Variants in EPHA7 observed in about 807,000 individuals in gnomAD.
The protein encoded by EPHA7 is EPH receptor A7.
Under a neutral mutation model 112.6 loss-of-function variants are expected in EPHA7, and 25 were observed. That is an observed-to-expected ratio of 0.22 (90% confidence interval 0.16 to 0.31). The LOEUF is 0.31. EPHA7 is among the 10% of genes least tolerant of loss of function. The pLI, the probability that EPHA7 is intolerant of heterozygous loss-of-function variation, is 1.00. For synonymous variants in EPHA7, 437 were observed against 406.5 expected, an observed-to-expected ratio of 1.07 and a Z score of -0.90; for missense variants, 962 against 1,212.6, an observed-to-expected ratio of 0.79 and a Z score of 3.07.
At chr6:93,256,133 T>C in intron 12 of EPHA7, 96 bp from the exon 13 acceptor site, 1 of 1,066,902 alleles carries the variant, frequency 9.4e-7, no homozygotes. Flanking sequence ...AATTTGCTAT[T>C]GTATAATAGG....
intron 3 of EPHA7, chr6:93,409,639 A>T (rs1778878947): frequency 6.6e-6 from 1 of 151,966 alleles, no homozygotes; most frequent in Non-Finnish European, 1.5e-5. Flanking sequence ...TATATAAGTT[A>T]AAAAGAGACA....
intron 3 of EPHA7, among the ~76,000 whole-genome samples, chr6:93,380,367 A>G (rs1306848225): frequency 1.3e-5 from 2 of 152,130 alleles, no homozygotes; most frequent in Non-Finnish European, 2.9e-5. Context: ...GCGACAATAA[A>G]AGCATTCCAC....
chr6:93,324,729 C>T (rs1004287317), intron 5 of EPHA7, among the ~76,000 whole-genome samples: 1 of 151,376 alleles, frequency 6.6e-6, no homozygotes, highest in South Asian at 2.1e-4. Flanking sequence ...GCCTTCAACA[C>T]GTATACAGAG....
intron 5 of EPHA7, among the ~76,000 whole-genome samples, chr6:93,282,706 C>G (rs1296102253): frequency 6.6e-6 from 1 of 152,178 alleles, no homozygotes; most frequent in African/African-American, 2.4e-5. Context: ...GCGCGAGTTC[C>G]CGGTGGGCGT....
chr6:93,264,562 A>G, intron 8 of EPHA7, 32 bp downstream of exon 8: 1 of 1,362,698 alleles, frequency 7.3e-7, no homozygotes, highest in Non-Finnish European at 1.0e-6. Flanking sequence ...AATACATTTT[A>G]TGTTAGAGAT....
At chr6:93,382,706 T>C (rs965659882) in intron 3 of EPHA7, among the ~76,000 whole-genome samples, 1 of 151,952 alleles carries the variant, frequency 6.6e-6, no homozygotes, top group South Asian at 2.1e-4. Context: ...AGCGATACAA[T>C]GAGATCCTAC....
chr6:93,366,092 A>C (rs1454250363), intron 3 of EPHA7, among the ~76,000 whole-genome samples: 1 of 152,158 alleles, frequency 6.6e-6, no homozygotes, highest in East Asian at 1.9e-4. Flanking sequence ...TCTTTATTTC[A>C]TCAAATGATC....
At chr6:93,297,438 A>G (rs933984321) in intron 5 of EPHA7, among the ~76,000 whole-genome samples, 2 of 152,140 alleles carry the variant, frequency 1.3e-5, no homozygotes, top group Non-Finnish European at 2.9e-5. Context: ...TTTGGTCAAT[A>G]TAGTCATAAA....
intron 3 of EPHA7, among the ~76,000 whole-genome samples, chr6:93,388,753 TA>T (rs1324703146): frequency 1.3e-5 from 2 of 151,996 alleles, no homozygotes; most frequent in Non-Finnish European, 1.5e-5. Flanking sequence ...CAGGGGGGAA[TA>T]AAACATTTAG....
At chr6:93,404,894 T>C (rs1778619834) in intron 3 of EPHA7, among the ~76,000 whole-genome samples, 1 of 151,846 alleles carries the variant, frequency 6.6e-6, no homozygotes, top group Non-Finnish European at 1.5e-5. Flanking sequence ...ACCTTTTATA[T>C]AATTTAAACT....
intron 3 of EPHA7, among the ~76,000 whole-genome samples, chr6:93,360,781 A>C (rs1776224164): frequency 6.6e-6 from 1 of 152,036 alleles, no homozygotes; most frequent in Non-Finnish European, 1.5e-5. Context: ...AACAGATTTA[A>C]AGCAAAAGTA....
At chr6:93,263,947 T>C in intron 8 of EPHA7, 32 bp from the exon 9 acceptor site, 1 of 1,568,662 alleles carries the variant, frequency 6.4e-7, no homozygotes, top group Non-Finnish European at 8.8e-7. Context: ...ACAATCTCAG[T>C]CATTTTACTT....
At chr6:93,299,305 G>C (rs1204793186) in intron 5 of EPHA7, among the ~76,000 whole-genome samples, 4 of 150,692 alleles carry the variant, frequency 2.7e-5, no homozygotes, top group Admixed American at 6.6e-5. Context: ...TAGCCTGGGC[G>C]ACAGAGCGAG....
chr6:93,362,761 C>T, intron 3 of EPHA7, among the ~76,000 whole-genome samples: 1 of 152,106 alleles, frequency 6.6e-6, no homozygotes, highest in East Asian at 1.9e-4. Context: ...TCCCATGCCT[C>T]TTTAACTTAA....
chr6:93,282,532 G>A (rs996873899), intron 5 of EPHA7, among the ~76,000 whole-genome samples: 28 of 152,246 alleles, frequency 1.8e-4, no homozygotes, highest in African/African-American at 6.5e-4. Context: ...CTCGGCCTTG[G>A]CGCCTACTCT....
At chr6:93,337,216 G>A (rs1041953456) in intron 5 of EPHA7, among the ~76,000 whole-genome samples, 1 of 152,180 alleles carries the variant, frequency 6.6e-6, no homozygotes, top group African/African-American at 2.4e-5. Flanking sequence ...GGATAAGGTT[G>A]CTCAATAATG....
chr6:93,372,620 G>T (rs1302291044), intron 3 of EPHA7, among the ~76,000 whole-genome samples: 1 of 152,040 alleles, frequency 6.6e-6, no homozygotes, highest in Middle Eastern at 3.2e-3. Flanking sequence ...AAGATAAGAT[G>T]CATTGCTTTT....
intron 3 of EPHA7, among the ~76,000 whole-genome samples, chr6:93,378,440 G>T (rs1209284385): frequency 6.6e-6 from 1 of 152,136 alleles, no homozygotes; most frequent in Non-Finnish European, 1.5e-5. Flanking sequence ...CATGTAAGAA[G>T]ATGACGGCAG....
chr6:93,363,913 A>G (rs1164867499), intron 3 of EPHA7, among the ~76,000 whole-genome samples: 7 of 152,230 alleles, frequency 4.6e-5, no homozygotes, highest in Admixed American at 3.9e-4. Context: ...ATGAATCTTT[A>G]AAACATGCTA....
Sources: gnomAD v4.1 joint callset for allele counts (sites outside exome capture counted in the v4.1 genomes callset) on GRCh38, gnomAD v4.1.1 for gene constraint, MANE v1.5 for transcripts, NCBI Gene and HGNC (gene_info 2026-07-23, HGNC 2026-07-21) for gene names.